Variants in PDGFRL observed in about 807,000 individuals in gnomAD.
PDGFRL encodes the protein platelet derived growth factor receptor like, also known as platelet-derived growth factor receptor-like protein.
PDGFRL carries 46 observed loss-of-function variants against 37.2 expected under a neutral mutation model. The ratio of observed to expected loss-of-function variants is 1.24; its 90% CI spans 0.98 to 1.58. The LOEUF is 1.58. Among genes scored for constraint, PDGFRL ranks in the 40% most tolerant of loss-of-function variants. PDGFRL has a pLI of 0.00. For missense variants in PDGFRL, 692 were observed against 467.6 expected (o/e 1.48, Z -4.43); for synonymous variants, 251 against 184.3 (o/e 1.36, Z -2.93).
intron 5 of PDGFRL, among the ~76,000 whole-genome samples, 198 bp from the exon 6 acceptor site, chr8:17,642,414 AG>A (rs1359804270): frequency 6.6e-6 from 1 of 152,256 alleles, no homozygotes; most frequent in African/African-American, 2.4e-5. Flanking sequence ...ATGAAATTCA[AG>A]GGCTGTTTGG....
intron 2 of PDGFRL, among the ~76,000 whole-genome samples, chr8:17,603,290 C>A (rs1804204922): frequency 6.6e-6 from 1 of 152,160 alleles, no homozygotes; most frequent in Non-Finnish European, 1.5e-5. Flanking sequence ...CCCAGCCCAA[C>A]AAACACATTT....
chr8:17,597,883 G>A (rs984762146), intron 2 of PDGFRL, among the ~76,000 whole-genome samples: 1 of 152,118 alleles, frequency 6.6e-6, no homozygotes, highest in African/African-American at 2.4e-5. Context: ...AAGTTAATGT[G>A]TTGTAACCTG....
intron 5 of PDGFRL, among the ~76,000 whole-genome samples, chr8:17,636,519 T>C (rs1036696959): frequency 1.3e-5 from 2 of 152,060 alleles, no homozygotes; most frequent in Admixed American, 6.6e-5. Flanking sequence ...TATGGCCTTA[T>C]AGTATAGTTT....
At chr8:17,630,486 A>G (rs1804839483) in intron 4 of PDGFRL, among the ~76,000 whole-genome samples, 1 of 152,162 alleles carries the variant, frequency 6.6e-6, no homozygotes, top group Admixed American at 6.5e-5. Flanking sequence ...GGTGAGTAAG[A>G]CAGCCTCATT....
intron 5 of PDGFRL, among the ~76,000 whole-genome samples, chr8:17,640,644 T>C (rs1012258246): frequency 3.3e-5 from 5 of 152,174 alleles, no homozygotes; most frequent in South Asian, 2.1e-4. Context: ...CTCTCAGCCA[T>C]GGATGCCAGC....
At chr8:17,591,062 T>C (rs149542688) in intron 2 of PDGFRL, among the ~76,000 whole-genome samples, 1,761 of 152,140 alleles carry the variant, frequency 0.012, 35 homozygotes, top group African/African-American at 0.04. Flanking sequence ...TTTTGCTTTT[T>C]TAGTAGAGAC....
chr8:17,619,276 G>T (rs983437545), intron 2 of PDGFRL, among the ~76,000 whole-genome samples: 6 of 152,196 alleles, frequency 3.9e-5, no homozygotes, highest in African/African-American at 1.4e-4. Context: ...GGAACCTCCA[G>T]TGTGAGGATG....
intron 2 of PDGFRL, among the ~76,000 whole-genome samples, chr8:17,602,273 G>C (rs747862800): frequency 6.6e-6 from 1 of 152,150 alleles, no homozygotes; most frequent in Non-Finnish European, 1.5e-5. Flanking sequence ...TGACAGATAA[G>C]GGAACTGAGA....
At chr8:17,579,205 A>C (rs1803654328) in intron 1 of PDGFRL, among the ~76,000 whole-genome samples, 1 of 152,200 alleles carries the variant, frequency 6.6e-6, no homozygotes, top group Admixed American at 6.5e-5. Flanking sequence ...CAAGAAAATA[A>C]AGATAAAAAT....
At chr8:17,597,082 A>C (rs1323834650) in intron 2 of PDGFRL, among the ~76,000 whole-genome samples, 2 of 152,142 alleles carry the variant, frequency 1.3e-5, no homozygotes, top group Non-Finnish European at 1.5e-5. Context: ...GTGCAGTGGC[A>C]CGATCTCAGC....
At chr8:17,639,391 G>C (rs1158171677) in intron 5 of PDGFRL, among the ~76,000 whole-genome samples, 1 of 152,022 alleles carries the variant, frequency 6.6e-6, no homozygotes, top group African/African-American at 2.4e-5. Flanking sequence ...TATGCTTTAA[G>C]AAGGTTCTAT....
intron 1 of PDGFRL, among the ~76,000 whole-genome samples, chr8:17,582,422 A>T (rs565562874): frequency 6.6e-6 from 1 of 152,142 alleles, no homozygotes; most frequent in African/African-American, 2.4e-5. Flanking sequence ...TCTCTATTAC[A>T]ATACAAGAAG....
chr8:17,634,481 G>GT (rs35721942), intron 5 of PDGFRL, among the ~76,000 whole-genome samples: 1,713 of 145,142 alleles, frequency 0.012, 19 homozygotes, highest in African/African-American at 0.034. Flanking sequence ...TCATATGCAG[G>GT]TTTTTTTTTT....
intron 3 of PDGFRL, among the ~76,000 whole-genome samples, chr8:17,623,178 C>G (rs1384597260): frequency 6.6e-6 from 1 of 152,158 alleles, no homozygotes; most frequent in Non-Finnish European, 1.5e-5. Context: ...CAATAAGGAG[C>G]CAAACCTGTT....
At chr8:17,585,630 A>C (rs898496638) in intron 1 of PDGFRL, among the ~76,000 whole-genome samples, 1 of 152,114 alleles carries the variant, frequency 6.6e-6, no homozygotes, top group African/African-American at 2.4e-5. Context: ...GGTGTGGTTA[A>C]CTGAGGAGCT....
At chr8:17,636,592 C>A (rs11203875) in intron 5 of PDGFRL, among the ~76,000 whole-genome samples, 150,022 of 151,350 alleles carry the variant, frequency 0.99, 74,364 homozygotes, top group Middle Eastern at 1. Flanking sequence ...TGTTTTGGCT[C>A]TGCAGATTCT....
intron 2 of PDGFRL, among the ~76,000 whole-genome samples, chr8:17,610,993 A>G (rs1006416303): frequency 1.3e-5 from 2 of 152,238 alleles, no homozygotes; most frequent in African/African-American, 4.8e-5. Context: ...GAAAGTAATC[A>G]TCTGTAAATT....
intron 4 of PDGFRL, among the ~76,000 whole-genome samples, chr8:17,632,156 CCCT>C (rs1804874991): frequency 6.6e-6 from 1 of 152,196 alleles, no homozygotes; most frequent in African/African-American, 2.4e-5. Context: ...AAGCTAACCT[CCCT>C]CCTCCTCCCG....
At chr8:17,638,738 CATATATAT>C (rs56085770) in intron 5 of PDGFRL, among the ~76,000 whole-genome samples, 1,100 of 47,114 alleles carry the variant, frequency 0.023, 9 homozygotes, top group East Asian at 0.039. Context: ...GCATTAGGTG[CATATATAT>C]ATATATATAT....
Sources: allele counts gnomAD v4.1 joint callset (sites outside exome capture counted in the v4.1 genomes callset), GRCh38; gene constraint gnomAD v4.1.1; transcripts MANE v1.5; gene names NCBI Gene and HGNC (gene_info 2026-07-23, HGNC 2026-07-21).